CPA6: variants seen among roughly 807,000 people sequenced by gnomAD.
CPA6 encodes carboxypeptidase A6.
CPA6 carries 58 observed loss-of-function variants against 63.3 expected under a neutral mutation model. The ratio of observed to expected loss-of-function variants is 0.92; its 90% confidence interval spans 0.74 to 1.14. The LOEUF is 1.14. CPA6 is among the 50% of genes most tolerant of loss of function. The pLI, the probability that CPA6 is intolerant of heterozygous loss-of-function variation, is 0.00. For synonymous variants in CPA6, 185 were observed against 179.0 expected, an observed-to-expected ratio of 1.03 and a Z score of -0.27; for missense variants, 565 against 526.6, an observed-to-expected ratio of 1.07 and a Z score of -0.71.
chr8:67,700,795 T>C (rs1431691944), intron 1 of CPA6, among the ~76,000 whole-genome samples: 1 of 152,124 alleles, frequency 6.6e-6, no homozygotes, highest in African/African-American at 2.4e-5. Flanking sequence ...GGAAGAAAAA[T>C]ATCCCAGCAT....
At chr8:67,604,340 G>T (rs1414985905) in intron 2 of CPA6, among the ~76,000 whole-genome samples, 2 of 152,136 alleles carry the variant, frequency 1.3e-5, no homozygotes, top group Non-Finnish European at 2.9e-5. Context: ...TGGTAAAGAA[G>T]GAAGCGGTGG....
In CPA6 at chr8:67,553,000, C is replaced by T. The variant is rs138168547; in HGVS notation, c.193-34953G>A. Among the ~76,000 whole-genome samples, 296 of 152,126 alleles carry T rather than the reference C, an allele frequency of 1.9e-3. 6 individuals carry two copies. In the East Asian group the frequency reaches 0.049, roughly 25 times the overall value. On this transcript the variant is annotated intron_variant, in intron 2 of 10. Coordinates refer to ENST00000297770, the MANE Select transcript of CPA6 (RefSeq NM_020361.5). ...GTGAAATTACAAAATGCTAATGTCA[C>T]ACTCATGACATCCCCTTTTAAAATA...
intron 1 of CPA6, among the ~76,000 whole-genome samples, chr8:67,647,442 C>G: frequency 6.6e-6 from 1 of 151,840 alleles, no homozygotes; most frequent in East Asian, 1.9e-4. Context: ...TCCCAAGTAG[C>G]AGGGATTACA....
intron 2 of CPA6, among the ~76,000 whole-genome samples, chr8:67,563,700 C>G (rs1813269189): frequency 6.6e-6 from 1 of 152,276 alleles, no homozygotes; most frequent in East Asian, 1.9e-4. Context: ...CTTAAAATCT[C>G]ACTCCTTTCC....
Position 67,449,406 on chromosome 8 carries a change from T to C in CPA6, c.839-15166A>G, listed in dbSNP as rs148513381. 7.2e-5 allele frequency among the ~76,000 whole-genome samples: 11 copies of C among 152,372 alleles called. No individual in the cohort carries two copies. The East Asian group carries it at 2.1e-3, about 29-fold the overall frequency. ...TACAGGCAAGAGACAGTTCCCTTGC[T>C]ACTCTTTTTACAGTTTTATCAGCTT... On this transcript the variant is annotated intron_variant, in intron 8 of 10. Transcript: ENST00000297770.
intron 1 of CPA6, among the ~76,000 whole-genome samples, chr8:67,679,400 T>C (rs1372078004): frequency 1.3e-5 from 2 of 152,262 alleles, no homozygotes; most frequent in African/African-American, 2.4e-5. Context: ...GAAAACACTA[T>C]TGAGGCAAAA....
chr8:67,446,439 A>T (rs1269425577), intron 8 of CPA6, among the ~76,000 whole-genome samples: 12 of 152,126 alleles, frequency 7.9e-5, no homozygotes, highest in Admixed American at 6.5e-4. Context: ...TATTTTTTTC[A>T]ATGTTTTATT....
At chr8:67,656,297 TA>T (rs1376790515) in intron 1 of CPA6, among the ~76,000 whole-genome samples, 2 of 152,172 alleles carry the variant, frequency 1.3e-5, no homozygotes, top group Non-Finnish European at 2.9e-5. Flanking sequence ...ATGAAACCCA[TA>T]ACTGTAAACA....
intron 1 of CPA6, among the ~76,000 whole-genome samples, chr8:67,733,765 G>A (rs1817760024): frequency 6.6e-6 from 1 of 151,834 alleles, no homozygotes; most frequent in South Asian, 2.1e-4. Flanking sequence ...GTGGGGGGCG[G>A]TGGGGGCGGG....
intron 1 of CPA6, among the ~76,000 whole-genome samples, chr8:67,712,410 C>T (rs1288730127): frequency 1.3e-5 from 2 of 152,132 alleles, no homozygotes; most frequent in South Asian, 4.1e-4. Flanking sequence ...GCTTCCCAGG[C>T]TGCTACAAGG....
intron 1 of CPA6, 88 bp downstream of exon 1, chr8:67,745,926 A>G (rs1817998300): frequency 2.3e-6 from 2 of 853,860 alleles, no homozygotes; most frequent in East Asian, 2.6e-5. Context: ...GAGACCCCCA[A>G]ATCAGAAAAA....
chr8:67,659,040 T>A (rs1298909027), intron 1 of CPA6, among the ~76,000 whole-genome samples: 1 of 152,242 alleles, frequency 6.6e-6, no homozygotes, highest in Non-Finnish European at 1.5e-5. Flanking sequence ...TGATTAAATT[T>A]CTTCAGTATG....
chr8:67,699,459 G>C (rs1436515446), intron 1 of CPA6, among the ~76,000 whole-genome samples: 3 of 151,642 alleles, frequency 2.0e-5, no homozygotes, highest in Non-Finnish European at 2.9e-5. Flanking sequence ...AAACAGGAGG[G>C]GGGGATGTTA....
intron 1 of CPA6, among the ~76,000 whole-genome samples, chr8:67,723,818 A>G (rs894591840): frequency 6.6e-6 from 1 of 152,206 alleles, no homozygotes; most frequent in African/African-American, 2.4e-5. Context: ...CAGGAAAACA[A>G]TCCTAGAATA....
intron 8 of CPA6, among the ~76,000 whole-genome samples, chr8:67,465,695 T>C (rs1489004835): frequency 6.6e-6 from 1 of 152,138 alleles, no homozygotes; most frequent in Non-Finnish European, 1.5e-5. Flanking sequence ...TATTAAAAGC[T>C]TTTCCCATGT....
At chr8:67,446,617 G>A (rs758624883) in intron 8 of CPA6, among the ~76,000 whole-genome samples, 5 of 152,196 alleles carry the variant, frequency 3.3e-5, no homozygotes, top group Non-Finnish European at 5.9e-5. Context: ...GGTCCCTGTG[G>A]AAATTGACTT....
At chr8:67,511,683 A>T (rs1403163765) in intron 3 of CPA6, 28 bp from the exon 4 acceptor site, 1 of 1,342,090 alleles carries the variant, frequency 7.5e-7, no homozygotes, top group South Asian at 1.2e-5. Context: ...GACATGATGA[A>T]AAGTAAATTG....
chr8:67,625,824 A>G (rs140969245), intron 1 of CPA6, among the ~76,000 whole-genome samples: 4 of 152,306 alleles, frequency 2.6e-5, no homozygotes, highest in African/African-American at 7.2e-5. Flanking sequence ...CAGGAATAAG[A>G]ATGGAATTTG....
At chr8:67,423,231 C>T (rs550041233) in intron 10 of CPA6, among the ~76,000 whole-genome samples, 16 of 152,162 alleles carry the variant, frequency 1.1e-4, no homozygotes, top group South Asian at 8.3e-4. Flanking sequence ...ATTACAGGCC[C>T]GCGCCACCAT....
Sources: gnomAD v4.1 joint callset for allele counts (sites outside exome capture counted in the v4.1 genomes callset) on GRCh38, gnomAD v4.1.1 for gene constraint, MANE v1.5 for transcripts, NCBI Gene and HGNC (gene_info 2026-07-23, HGNC 2026-07-21) for gene names.